Variants in MSR1 observed in about 807,000 individuals in gnomAD.
MSR1 encodes the protein macrophage scavenger receptor types I and II.
Under a neutral mutation model 47.2 loss-of-function variants are expected in MSR1, and 53 were observed. The ratio of observed to expected loss-of-function variants is 1.12; its 90% CI spans 0.90 to 1.41. The LOEUF (loss-of-function observed/expected upper bound fraction) is 1.41, where lower values mean the gene tolerates loss of function less well. MSR1 is among the 40% of genes most tolerant of loss of function. MSR1 has a pLI of 0.00. For missense variants in MSR1, 786 were observed against 546.9 expected, an observed-to-expected ratio of 1.44 and a Z score of -4.36; for synonymous variants, 239 against 185.6, an observed-to-expected ratio of 1.29 and a Z score of -2.34.
chr8:16,172,334 T>A (rs1045287441), intron 3 of MSR1, among the ~76,000 whole-genome samples: 1 of 152,194 alleles, frequency 6.6e-6, no homozygotes, highest in African/African-American at 2.4e-5. Context: ...AATGCTACAT[T>A]TTGTTAATAG....
At chr8:16,190,844 C>A (rs1802179680) in intron 1 of MSR1, among the ~76,000 whole-genome samples, 1 of 151,908 alleles carries the variant, frequency 6.6e-6, no homozygotes, top group Non-Finnish European at 1.5e-5. Context: ...GCCTCAGACT[C>A]CGGAGTAACT....
At chr8:16,165,756 A>G (rs1801287507) in intron 4 of MSR1, among the ~76,000 whole-genome samples, 1 of 152,144 alleles carries the variant, frequency 6.6e-6, no homozygotes, top group Non-Finnish European at 1.5e-5. Flanking sequence ...AGGACCTTCG[A>G]AAATAAATGA....
At chr8:16,127,334 C>T (rs544506390) in intron 8 of MSR1, among the ~76,000 whole-genome samples, 18 of 152,228 alleles carry the variant, frequency 1.2e-4, no homozygotes, top group African/African-American at 3.8e-4. Flanking sequence ...AAATCATTCG[C>T]ATTATGGAAG....
chr8:16,177,564 G>C (rs1010913484), intron 2 of MSR1, among the ~76,000 whole-genome samples: 1 of 151,840 alleles, frequency 6.6e-6, no homozygotes, highest in African/African-American at 2.4e-5. Flanking sequence ...AACAACTCTA[G>C]AAAACTAATA....
intron 8 of MSR1, chr8:16,140,411 T>C: frequency 7.1e-6 from 7 of 985,506 alleles, no homozygotes; most frequent in Non-Finnish European, 8.4e-6. Context: ...ACAAATGGAT[T>C]TTTCCTATCA....
At chr8:16,187,801 C>G (rs931890056) in intron 1 of MSR1, among the ~76,000 whole-genome samples, 1 of 152,142 alleles carries the variant, frequency 6.6e-6, no homozygotes, top group Non-Finnish European at 1.5e-5. Flanking sequence ...TCTCTCTGCA[C>G]TGCACGTAAC....
chr8:16,136,179 T>C (rs1019942733), intron 8 of MSR1, among the ~76,000 whole-genome samples: 11 of 152,146 alleles, frequency 7.2e-5, no homozygotes, highest in African/African-American at 2.7e-4. Flanking sequence ...ATAGCATCCA[T>C]TGCATGCAGC....
At chr8:16,110,353 T>C (rs1331241600) in intron 9 of MSR1, 135 bp from the exon 10 acceptor site, 2 of 965,100 alleles carry the variant, frequency 2.1e-6, no homozygotes, top group East Asian at 2.5e-5. Flanking sequence ...TTCTGTGCTC[T>C]CTAGTAGGAA....
intron 8 of MSR1, among the ~76,000 whole-genome samples, chr8:16,138,515 T>C (rs536317385): frequency 3.3e-5 from 5 of 152,310 alleles, no homozygotes; most frequent in African/African-American, 1.2e-4. Context: ...TTCCCTAATT[T>C]GAAAAGTTTG....
At chr8:16,187,069 C>T (rs1458034812) in intron 1 of MSR1, among the ~76,000 whole-genome samples, 1 of 151,820 alleles carries the variant, frequency 6.6e-6, no homozygotes, top group Admixed American at 6.6e-5. Flanking sequence ...TCACTCAGGC[C>T]GTCATTAAAG....
In MSR1 at chr8:16,110,598, A is replaced by C. The variant is rs373969990; in HGVS notation, c.1223-380T>G. Among the ~76,000 whole-genome samples the C allele has an allele frequency of 4.6e-5, 7 of 152,148 alleles. No individual in the cohort carries two copies. The East Asian group carries it at 7.7e-4, about 17-fold the overall frequency. On this transcript the variant is annotated intron_variant, in intron 9 of 9. Coordinates refer to ENST00000262101, the MANE Select transcript of MSR1 (RefSeq NM_138715.3). Reference sequence around the variant, plus strand: ...TGTAATAACCTGATGATCCAAGCGTATCTGTATGTCAAAGGGTCTTGGGGT... The same window carrying C: ...TGTAATAACCTGATGATCCAAGCGTCTCTGTATGTCAAAGGGTCTTGGGGT...
chr8:16,178,353 T>G (rs148588955), intron 1 of MSR1, among the ~76,000 whole-genome samples: 1 of 150,532 alleles, frequency 6.6e-6, no homozygotes, highest in South Asian at 2.1e-4. Context: ...GAACATGCGG[T>G]GTTTGGGTTT....
chr8:16,151,048 T>C (rs1800844555), intron 6 of MSR1, among the ~76,000 whole-genome samples: 1 of 152,114 alleles, frequency 6.6e-6, no homozygotes. Flanking sequence ...TCCAGTGAAA[T>C]AAAATATTTT....
At chr8:16,170,610 T>A (rs1801456201) in intron 3 of MSR1, among the ~76,000 whole-genome samples, 1 of 152,190 alleles carries the variant, frequency 6.6e-6, no homozygotes, top group South Asian at 2.1e-4. Flanking sequence ...CCTGAGTCTA[T>A]CAATTTTCTA....
intron 1 of MSR1, chr8:16,186,192 G>A (rs1801993693): frequency 1.3e-6 from 2 of 1,535,286 alleles, no homozygotes; most frequent in African/African-American, 1.4e-5. Context: ...ACTGATGATT[G>A]CACTGAGATA....
intron 8 of MSR1, chr8:16,141,221 A>G (rs1800548885): frequency 3.0e-6 from 2 of 661,672 alleles, no homozygotes; most frequent in African/African-American, 3.6e-5. Context: ...AGCTTTTAGC[A>G]GCCATTTACA....
chr8:16,175,351 C>T (rs1169823248), intron 2 of MSR1, 51 bp from the exon 3 acceptor site: 1 of 1,423,230 alleles, frequency 7.0e-7, no homozygotes, highest in Admixed American at 1.7e-5. Flanking sequence ...TGTCTTCTTC[C>T]ATAATTAAAA....
At chr8:16,175,793 C>T (rs368576753) in intron 2 of MSR1, among the ~76,000 whole-genome samples, 19 of 152,216 alleles carry the variant, frequency 1.2e-4, no homozygotes, top group African/African-American at 4.3e-4. Context: ...TTTGTATCTG[C>T]ATACCTCTTA....
rs537993343 is a variant in MSR1 at position 16,178,048 on chromosome 8, T to C, written c.-4-56A>G. On this transcript the variant is annotated intron_variant, in intron 1 of 9. Coordinates refer to ENST00000262101, the MANE Select transcript of MSR1 (RefSeq NM_138715.3). ...TCCACATGAAATGGCTAGGGCTCTTTTGCATAATGTTTTAAACTGAAATTT... is the reference window on the plus strand; with the variant it reads ...TCCACATGAAATGGCTAGGGCTCTTCTGCATAATGTTTTAAACTGAAATTT... 1.1e-4 allele frequency: 150 copies of C among 1,351,916 alleles called. No homozygotes were observed. The African/African-American group carries it at 1.9e-3, about 17-fold the overall frequency. 83.7% of individuals were successfully genotyped at this position (1,351,916 alleles called of 1,614,324 possible). A position where few individuals can be genotyped will look rare whatever the true frequency, so the allele number is the denominator to read the frequency against.
Sources: allele counts gnomAD v4.1 joint callset (sites outside exome capture counted in the v4.1 genomes callset), GRCh38; gene constraint gnomAD v4.1.1; transcripts MANE v1.5; gene names NCBI Gene and HGNC (gene_info 2026-07-23, HGNC 2026-07-21).